Variants in SYT1 observed in about 807,000 individuals in gnomAD.
SYT1 encodes synaptotagmin 1.
SYT1 carries 8 observed loss-of-function variants against 44.8 expected under a neutral mutation model. That is an observed-to-expected ratio of 0.18 (90% CI 0.10 to 0.32). The LOEUF is 0.32. SYT1 is among the 10% of genes least tolerant of loss of function. SYT1 has a pLI of 1.00. For missense variants in SYT1, 286 were observed against 509.3 expected (o/e 0.56, Z 4.22); for synonymous variants, 154 against 188.8 (o/e 0.82, Z 1.51).
chr12:79,274,720 C>T (rs1319606622), intron 4 of SYT1, among the ~76,000 whole-genome samples: 1 of 152,142 alleles, frequency 6.6e-6, no homozygotes, highest in Admixed American at 6.5e-5. Context: ...ATGCATAAAT[C>T]CCACAGCCAC....
chr12:79,065,243 G>T (rs1469977941), intron 3 of SYT1, among the ~76,000 whole-genome samples: 1 of 152,096 alleles, frequency 6.6e-6, no homozygotes, highest in African/African-American at 2.4e-5. Flanking sequence ...AAAATAGCCG[G>T]CATTATAGCA....
chr12:79,047,858 C>G (rs1000507266), intron 3 of SYT1, among the ~76,000 whole-genome samples: 3 of 151,850 alleles, frequency 2.0e-5, no homozygotes, highest in Non-Finnish European at 4.4e-5. Context: ...TTTCTAATCT[C>G]ACAACTTAAC....
intron 4 of SYT1, among the ~76,000 whole-genome samples, chr12:79,228,856 C>G (rs1388275997): frequency 6.6e-6 from 1 of 152,180 alleles, no homozygotes. Flanking sequence ...CCCCAGTACC[C>G]TAATACATTG....
rs576354323 is a variant in SYT1, at chr12:79,265,535, T to C, written c.167-20252T>C. 2.0e-5 allele frequency among the ~76,000 whole-genome samples: 3 copies of C among 152,208 alleles called. No homozygotes were observed. In the East Asian group the frequency reaches 5.8e-4, roughly 29 times the overall value. On this transcript the variant is annotated intron_variant, in intron 4 of 10. Transcript: ENST00000261205. ...TTCTTAGCTGTAATATCATTAGCAT[T>C]TGCTCAATTTTCAGCAGAGACACAA...
chr12:79,162,114 T>A (rs1479227284), intron 3 of SYT1, among the ~76,000 whole-genome samples: 1 of 152,124 alleles, frequency 6.6e-6, no homozygotes, highest in Non-Finnish European at 1.5e-5. Context: ...TGTAAGATGA[T>A]GTTAAGAGCA....
In SYT1 at chr12:79,383,230, T is replaced by C. The variant is rs1401767428; in HGVS notation, c.928+29611T>C. Among the ~76,000 whole-genome samples, 8 of 152,316 alleles carry C rather than the reference T, an allele frequency of 5.3e-5. No individual in the cohort carries two copies. The East Asian group carries it at 1.4e-3, about 26-fold the overall frequency. The stretch of plus-strand genomic sequence containing the variant: ...TAAGCTATAGGGTATAGCCTATTGC[T>C]CCAAGGCTACAAACCTTTAGAGAAT... On this transcript the variant is annotated intron_variant, in intron 9 of 10. Coordinates refer to ENST00000261205, the MANE Select transcript of SYT1 (RefSeq NM_005639.3).
intron 1 of SYT1, among the ~76,000 whole-genome samples, chr12:78,970,693 T>C (rs1004490179): frequency 6.6e-6 from 1 of 152,156 alleles, no homozygotes; most frequent in Non-Finnish European, 1.5e-5. Context: ...ACCACTAGCC[T>C]TTAGCACATA....
chr12:79,083,362 C>G (rs889592877), intron 3 of SYT1, among the ~76,000 whole-genome samples: 2 of 152,076 alleles, frequency 1.3e-5, no homozygotes, highest in African/African-American at 4.8e-5. Context: ...TTTGAACAGG[C>G]TTATGAGCTA....
intron 3 of SYT1, among the ~76,000 whole-genome samples, chr12:79,164,993 C>T (rs1475219678): frequency 6.6e-6 from 1 of 151,694 alleles, no homozygotes; most frequent in Non-Finnish European, 1.5e-5. Context: ...TTGATAAGAC[C>T]GTAGAAAGAG....
chr12:78,890,773 G>A (rs1417305775), intron 1 of SYT1, among the ~76,000 whole-genome samples: 1 of 151,366 alleles, frequency 6.6e-6, no homozygotes, highest in Non-Finnish European at 1.5e-5. Context: ...TTCACTCCTC[G>A]CTATAACTGC....
chr12:79,260,253 G>A (rs1382635637), intron 4 of SYT1, among the ~76,000 whole-genome samples: 1 of 152,116 alleles, frequency 6.6e-6, no homozygotes, highest in Non-Finnish European at 1.5e-5. Flanking sequence ...TGTCAGAGAA[G>A]AAATTTTTAT....
At chr12:78,946,290 A>C (rs1023920292) in intron 1 of SYT1, among the ~76,000 whole-genome samples, 32 of 152,332 alleles carry the variant, frequency 2.1e-4, no homozygotes, top group Non-Finnish European at 1.2e-4. Flanking sequence ...CTGAAGATAC[A>C]GCAGGAAACA....
chr12:79,066,339 A>G (rs542881884), intron 3 of SYT1, among the ~76,000 whole-genome samples: 23 of 152,188 alleles, frequency 1.5e-4, no homozygotes, highest in Non-Finnish European at 2.6e-4. Flanking sequence ...TGAACTGGAC[A>G]TATAAGCAAA....
intron 1 of SYT1, among the ~76,000 whole-genome samples, chr12:78,926,261 C>G (rs533527611): frequency 6.6e-6 from 1 of 152,164 alleles, no homozygotes; most frequent in Non-Finnish European, 1.5e-5. Context: ...TCATTAGAAT[C>G]TATTTTATTT....
chr12:78,867,711 G>A (rs1406513205), intron 1 of SYT1, among the ~76,000 whole-genome samples: 3 of 151,940 alleles, frequency 2.0e-5, no homozygotes, highest in African/African-American at 4.8e-5. Context: ...AGTTGTTGCT[G>A]AGTAGTTTTG....
chr12:78,958,700 G>GA (rs538473382), intron 1 of SYT1, among the ~76,000 whole-genome samples: 22,056 of 141,566 alleles, frequency 0.16, 1,918 homozygotes, highest in East Asian at 0.35. Context: ...TTTCTGAAGA[G>GA]AAAAAAAAAA....
intron 2 of SYT1, among the ~76,000 whole-genome samples, chr12:79,043,898 C>T (rs1161640981): frequency 6.6e-6 from 1 of 152,140 alleles, no homozygotes; most frequent in Non-Finnish European, 1.5e-5. Flanking sequence ...TTTAGTTTGG[C>T]TGGATATGAA....
At chr12:79,200,297 C>G (rs1274623502) in intron 3 of SYT1, among the ~76,000 whole-genome samples, 1 of 152,154 alleles carries the variant, frequency 6.6e-6, no homozygotes, top group Non-Finnish European at 1.5e-5. Context: ...TTTTCCCCAG[C>G]TGGCCCTTGA....
chr12:79,082,939 T>C (rs1877133509), intron 3 of SYT1, among the ~76,000 whole-genome samples: 1 of 149,874 alleles, frequency 6.7e-6, no homozygotes, highest in South Asian at 2.1e-4. Context: ...AATTTTTTAA[T>C]GAAAAAACAA....
Sources: allele counts gnomAD v4.1 joint callset (sites outside exome capture counted in the v4.1 genomes callset), GRCh38; gene constraint gnomAD v4.1.1; transcripts MANE v1.5; gene names NCBI Gene and HGNC (gene_info 2026-07-23, HGNC 2026-07-21).